Variants in MYO16 observed in about 807,000 individuals in gnomAD.
The protein encoded by MYO16 is myosin XVI.
In MYO16, 94 loss-of-function variants were observed where a neutral mutation model predicts 205.3. That is an observed-to-expected ratio of 0.46 (90% CI 0.39 to 0.54). MYO16 has a LOEUF of 0.54. Among genes scored for constraint, MYO16 ranks in the 20% least tolerant of loss-of-function variants. The pLI is 0.00. For missense variants in MYO16, 2,315 were observed against 2,387.5 expected, an observed-to-expected ratio of 0.97 and a Z score of 0.63; for synonymous variants, 988 against 954.0, an observed-to-expected ratio of 1.04 and a Z score of -0.66.
At chr13:108,559,219 G>A in the MYO16 span, among the ~76,000 whole-genome samples, 2 of 152,108 alleles carry the variant, frequency 1.3e-5, no homozygotes, top group Non-Finnish European at 2.9e-5. Flanking sequence ...AGGGAAGAGT[G>A]TGTGAAGACA....
At chr13:108,763,786 G>GA (rs1885688697) in intron 4 of MYO16, among the ~76,000 whole-genome samples, 1 of 98,936 alleles carries the variant, frequency 1.0e-5, no homozygotes, top group Non-Finnish European at 1.9e-5. Context: ...GAGAAAAGGA[G>GA]TTGTGTGTGT....
chr13:109,200,649 C>CA (rs1437340032), intron 34 of MYO16, among the ~76,000 whole-genome samples: 1 of 149,090 alleles, frequency 6.7e-6, no homozygotes, highest in African/African-American at 2.5e-5. Context: ...CATTTTTTTC[C>CA]AAAAAGAGAA....
intron 4 of MYO16, among the ~76,000 whole-genome samples, chr13:108,734,751 G>A (rs1884633995): frequency 6.6e-6 from 1 of 152,224 alleles, no homozygotes. Flanking sequence ...CTCAGCTGCT[G>A]AGAAGAGTCA....
intron 34 of MYO16, among the ~76,000 whole-genome samples, chr13:109,182,034 G>A (rs577621037): frequency 2.6e-5 from 4 of 151,954 alleles, no homozygotes; most frequent in Non-Finnish European, 5.9e-5. Context: ...GGTCAGGCTG[G>A]TCTCAAACTC....
Position 108,940,222 on chromosome 13 carries a change from AT to A in MYO16, c.1926-17464del, listed in dbSNP as rs149083009. ...TAAGGGGACAAGATTCAGATATCAC[AT>A]TGAGTAGCTCTTCAGTGAGCCCTGG... On this transcript the variant is annotated intron_variant, in intron 16 of 34. Coordinates refer to ENST00000457511, the MANE Select transcript of MYO16 (RefSeq NM_001198950.3). 4.8e-4 allele frequency among the ~76,000 whole-genome samples: 73 copies of A among 152,300 alleles called. 3 individuals carry two copies. In the East Asian group the frequency reaches 0.013, roughly 26 times the overall value.
intron 3 of MYO16, among the ~76,000 whole-genome samples, chr13:108,716,770 C>T (rs1883960482): frequency 6.6e-6 from 1 of 152,166 alleles, no homozygotes; most frequent in South Asian, 2.1e-4. Context: ...CAAGAATCAG[C>T]TGCAGAAATT....
intron 4 of MYO16, among the ~76,000 whole-genome samples, chr13:108,761,001 G>T (rs1397532148): frequency 6.6e-6 from 1 of 152,122 alleles, no homozygotes; most frequent in African/African-American, 2.4e-5. Context: ...CAAATGACAA[G>T]GTTTCATTCT....
At chr13:108,803,603 C>G (rs1204319607) in intron 6 of MYO16, among the ~76,000 whole-genome samples, 1 of 152,130 alleles carries the variant, frequency 6.6e-6, no homozygotes, top group African/African-American at 2.4e-5. Context: ...TTACCCAGGC[C>G]TACATCACAC....
intron 9 of MYO16, among the ~76,000 whole-genome samples, chr13:108,826,541 A>G (rs866954252): frequency 6.6e-6 from 1 of 152,174 alleles, no homozygotes; most frequent in Non-Finnish European, 1.5e-5. Context: ...AAGATAAGCA[A>G]TAAAAGCAAA....
At chr13:108,935,019 C>T (rs1882417388) in intron 16 of MYO16, among the ~76,000 whole-genome samples, 1 of 152,110 alleles carries the variant, frequency 6.6e-6, no homozygotes, top group South Asian at 2.1e-4. Flanking sequence ...GTTTGGGTTA[C>T]TCTAGCCTTA....
intron 16 of MYO16, among the ~76,000 whole-genome samples, chr13:108,940,102 A>T (rs1882662084): frequency 6.6e-6 from 1 of 152,208 alleles, no homozygotes; most frequent in East Asian, 1.9e-4. Context: ...TCTTCCCATG[A>T]AATTTCTGCT....
At chr13:108,960,856 C>A (rs773897136) in intron 17 of MYO16, among the ~76,000 whole-genome samples, 5 of 152,156 alleles carry the variant, frequency 3.3e-5, no homozygotes, top group East Asian at 1.9e-4. Flanking sequence ...TTTTATGCAG[C>A]GTTCCAGATT....
At chr13:108,566,815 A>AAG in the MYO16 span, among the ~76,000 whole-genome samples, 1 of 152,038 alleles carries the variant, frequency 6.6e-6, no homozygotes, top group Non-Finnish European at 1.5e-5. Flanking sequence ...GTGGGTGTTT[A>AAG]ACTTTTGATA....
intron 12 of MYO16, among the ~76,000 whole-genome samples, chr13:108,876,368 A>G (rs1177608439): frequency 6.6e-6 from 1 of 152,160 alleles, no homozygotes; most frequent in Non-Finnish European, 1.5e-5. Flanking sequence ...GTAAGAAAAC[A>G]CTGTGTCCTA....
At chr13:108,902,363 T>C (rs938918678) in intron 15 of MYO16, among the ~76,000 whole-genome samples, 1 of 152,248 alleles carries the variant, frequency 6.6e-6, no homozygotes, top group Non-Finnish European at 1.5e-5. Flanking sequence ...GCTGTGGATC[T>C]GATGTTCCCA....
At chr13:108,843,033 G>A (rs975330436) in intron 9 of MYO16, among the ~76,000 whole-genome samples, 1 of 151,948 alleles carries the variant, frequency 6.6e-6, no homozygotes, top group African/African-American at 2.4e-5. Flanking sequence ...GCTTATGTGT[G>A]GACTCTTAAA....
At chr13:109,060,375 G>A (rs1887552189) in intron 27 of MYO16, among the ~76,000 whole-genome samples, 1 of 151,748 alleles carries the variant, frequency 6.6e-6, no homozygotes, top group South Asian at 2.1e-4. Context: ...TCAGCAAACT[G>A]ACACAGGAGC....
intron 27 of MYO16, among the ~76,000 whole-genome samples, chr13:109,100,531 C>T (rs1186105983): frequency 2.0e-5 from 3 of 152,200 alleles, no homozygotes; most frequent in Non-Finnish European, 4.4e-5. Flanking sequence ...TGAAGTGCTT[C>T]ATGACAGTGC....
chr13:108,755,222 A>C (rs1041078181), intron 4 of MYO16, among the ~76,000 whole-genome samples: 1 of 151,532 alleles, frequency 6.6e-6, no homozygotes, highest in Admixed American at 6.6e-5. Flanking sequence ...CATGCAGAAC[A>C]AGCAGAGAAT....
Sources: gnomAD v4.1 joint callset for allele counts (sites outside exome capture counted in the v4.1 genomes callset) on GRCh38, gnomAD v4.1.1 for gene constraint, MANE v1.5 for transcripts, NCBI Gene and HGNC (gene_info 2026-07-23, HGNC 2026-07-21) for gene names.